OFD1: variants seen among roughly 807,000 people sequenced by gnomAD.
OFD1 encodes centriole and centriolar satellite protein OFD1.
In OFD1, 12 loss-of-function variants were observed where a neutral mutation model predicts 81.4. That is an observed-to-expected ratio of 0.15 (90% CI 0.09 to 0.24). The LOEUF (loss-of-function observed/expected upper bound fraction) is 0.24, where lower values mean the gene tolerates loss of function less well. Ranked by LOEUF, OFD1 falls within the 10% of genes least tolerant of loss-of-function variation. The probability of loss-of-function intolerance (pLI) is 1.00; values close to 1 mark genes in which losing one functional copy is unlikely to be tolerated. For synonymous variants in OFD1, 256 were observed against 263.7 expected (o/e 0.97, Z 0.28); for missense variants, 685 against 733.9 (o/e 0.93, Z 0.77).
the OFD1 span, among the ~76,000 whole-genome samples, chrX:13,727,255 T>C: frequency 1.9e-3 from 213 of 112,121 alleles, 1 homozygote; most frequent in African/African-American, 6.3e-3. Context: ...GTGGACCTAA[T>C]AGACATCTAC....
chrX:13,755,225 C>T lies in OFD1; in HGVS notation c.1204C>T (p.Arg402Cys), dbSNP rs778827836. 2 of 1,189,540 alleles carry T rather than the reference C, an allele frequency of 1.7e-6. No individual in the cohort carries two copies. Among genetic ancestry groups the T allele is most frequent in the Non-Finnish European group, 2.3e-6 (2 of 875,454 alleles). Reference sequence around the variant, plus strand: ...GGAGGAACTCAATCAATCTGTAAATCGTGTGAAAGAACTTGAGGTAATTGT... The same window carrying T: ...GGAGGAACTCAATCAATCTGTAAATTGTGTGAAAGAACTTGAGGTAATTGT... ...KKEELNQSVN[R>C]VKELELELES... Residue 402 changes from arginine to cysteine, a missense_variant, in exon 12 of 23, where the codon CGT becomes TGT. By Grantham distance (180) the Arg-to-Cys change is radical. This residue lies in a region of OFD1 where 414 missense variants were observed against 447.2 expected (regional missense o/e 0.93). Coordinates refer to ENST00000340096, the MANE Select transcript of OFD1 (RefSeq NM_003611.3).
At chrX:13,773,089 G>T, downstream of OFD1, 1 of 1,067,377 alleles carries the variant, frequency 9.4e-7, no homozygotes, top group Non-Finnish European at 1.3e-6. Flanking sequence ...AAAGCGAGGC[G>T]CTAGTTAGAT....
At chrX:13,714,810 TG>T in the OFD1 span, among the ~76,000 whole-genome samples, 1 of 112,128 alleles carries the variant, frequency 8.9e-6, no homozygotes, top group Non-Finnish European at 1.9e-5. Flanking sequence ...TATAAATAAA[TG>T]GATTAATCTC....
At chrX:13,723,368 G>A in the OFD1 span, among the ~76,000 whole-genome samples, 7 of 109,301 alleles carry the variant, frequency 6.4e-5, no homozygotes, top group African/African-American at 2.3e-4. Flanking sequence ...GGGATTCACC[G>A]TGTTGGCCAG....
chrX:13,737,871 A>C (rs1349149027), intron 3 of OFD1, among the ~76,000 whole-genome samples: 1 of 111,575 alleles, frequency 9.0e-6, no homozygotes, highest in Non-Finnish European at 1.9e-5. Flanking sequence ...TGTTTTTGAG[A>C]CAGAGTCTTG....
chrX:13,773,353 G>T (rs1434550802), downstream of OFD1: 1 of 162,239 alleles, frequency 6.2e-6, no homozygotes, highest in Non-Finnish European at 1.1e-5. Context: ...TAATTTTAAA[G>T]ACTAATGCGA....
Position 13,740,830 on chromosome X carries a change from C to T in OFD1, c.412+1798C>T, listed in dbSNP as rs2047066365. 4.6e-5 allele frequency among the ~76,000 whole-genome samples: 5 copies of T among 108,224 alleles called. No individual in the cohort carries two copies. In the South Asian group the frequency reaches 2.0e-3, roughly 43 times the overall value. The allele number at this position is 108,224 out of a possible 115,157, so 94.0% of individuals were successfully genotyped here. On this transcript the variant is annotated intron_variant, in intron 5 of 22. Transcript: ENST00000340096. The stretch of plus-strand genomic sequence containing the variant: ...AAAATCTATGTAGTTACTATAGATA[C>T]ATTATCCTTAAAAGTAGTTTTTCCA...
chrX:13,760,768 C>T, intron 16 of OFD1, 48 bp downstream of exon 16: 1 of 1,198,304 alleles, frequency 8.3e-7, no homozygotes, highest in East Asian at 3.0e-5. Flanking sequence ...AGTTGGGTAG[C>T]CACCCTGCCC....
intron 19 of OFD1, among the ~76,000 whole-genome samples, chrX:13,765,161 G>C (rs1017378242): frequency 2.9e-4 from 32 of 110,885 alleles, no homozygotes; most frequent in Non-Finnish European, 5.7e-5. Context: ...TGTTATATTT[G>C]TCATTTCATC....
chrX:13,748,714 G>A (rs747689574), intron 8 of OFD1, among the ~76,000 whole-genome samples: 1 of 111,743 alleles, frequency 8.9e-6, no homozygotes, highest in South Asian at 3.7e-4. Flanking sequence ...CCCGTGAACT[G>A]AAACATTCAG....
At chrX:13,745,772 G>T (rs1458384363) in intron 6 of OFD1, among the ~76,000 whole-genome samples, 1 of 112,199 alleles carries the variant, frequency 8.9e-6, no homozygotes, top group East Asian at 2.8e-4. Context: ...ACTAAGGGAA[G>T]AGTCAGTAGA....
At chrX:13,716,511 C>T in the OFD1 span, 3 of 1,210,568 alleles carry the variant, frequency 2.5e-6, no homozygotes, top group East Asian at 8.9e-5. Context: ...AGTTAGTTAC[C>T]TTTACTAAGA....
chrX:13,754,142 C>T (rs751029644), intron 11 of OFD1, among the ~76,000 whole-genome samples: 14 of 110,655 alleles, frequency 1.3e-4, no homozygotes, highest in Non-Finnish European at 1.9e-4. Flanking sequence ...CCAACACGCC[C>T]GGCTAATTTT....
chrX:13,734,482 A>G, upstream of OFD1: 1 of 217,647 alleles, frequency 4.6e-6, no homozygotes, highest in East Asian at 8.5e-5. Flanking sequence ...TCCTCCAGGG[A>G]CTCAAAACAC....
the OFD1 span, chrX:13,719,793 A>T: frequency 1.3e-6 from 1 of 751,682 alleles, no homozygotes; most frequent in Non-Finnish European, 1.9e-6. Context: ...GATTTCAGTT[A>T]CCTTATCTGT....
At chrX:13,729,441 A>G in the OFD1 span, among the ~76,000 whole-genome samples, 6 of 106,187 alleles carry the variant, frequency 5.7e-5, no homozygotes, top group Admixed American at 1.0e-4. Context: ...CAGAAATAAC[A>G]CCACACATCT....
In OFD1 at chrX:13,740,246, C is replaced by T. The variant is rs1292016923; in HGVS notation, c.412+1214C>T. 19 of 775,694 alleles carry T rather than the reference C, an allele frequency of 2.4e-5. No individual in the cohort carries two copies. In the Admixed American group the frequency reaches 5.9e-4, roughly 24 times the overall value. The allele number at this position is 775,694 out of a possible 1,213,427, so 63.9% of individuals were successfully genotyped here. On this transcript the variant is annotated intron_variant, in intron 5 of 22. Coordinates refer to ENST00000340096, the MANE Select transcript of OFD1 (RefSeq NM_003611.3). ...ATCCTATATTCTGTACTCTAAGTGT[C>T]GTCCAGTGTGACTCTCTGTGATTAT...
intron 19 of OFD1, 22 bp downstream of exon 19, chrX:13,763,877 ACAGT>A (rs1315781106): frequency 7.2e-6 from 8 of 1,105,267 alleles, no homozygotes; most frequent in Admixed American, 4.4e-5. Flanking sequence ...TTTTGAACTA[ACAGT>A]CAGCAGGGTC....
chrX:13,769,000 T>G lies in OFD1; in HGVS notation c.2997-66T>G, dbSNP rs760517107. On this transcript the variant is annotated intron_variant, in intron 22 of 22. Coordinates refer to ENST00000340096, the MANE Select transcript of OFD1 (RefSeq NM_003611.3). The stretch of plus-strand genomic sequence containing the variant: ...CCCCCAGGGAAGGAATTGAGAACAT[T>G]ATGAAGATAGCAAATAAACTTGACA... The G allele has an allele frequency of 8.9e-6, 8 of 896,232 alleles. No homozygotes were observed. In the East Asian group the frequency reaches 2.2e-4, roughly 24 times the overall value. The allele number at this position is 896,232 out of a possible 1,213,427, so 73.9% of individuals were successfully genotyped here. A position where few individuals can be genotyped will look rare whatever the true frequency, so the allele number is the denominator to read the frequency against.
Sources: gnomAD v4.1 joint callset for allele counts (sites outside exome capture counted in the v4.1 genomes callset) on GRCh38, gnomAD v4.1.1 for gene constraint, gnomAD v4.1.1 regional missense constraint, MANE v1.5 for transcripts, NCBI Gene and HGNC (gene_info 2026-07-23, HGNC 2026-07-21) for gene names.